Variants in SLC9C1 observed in about 807,000 individuals in gnomAD.
The protein encoded by SLC9C1 is sodium/hydrogen exchanger 10.
In SLC9C1, 97 loss-of-function variants were observed where a neutral mutation model predicts 140.9. That is an observed-to-expected ratio of 0.69 (90% CI 0.58 to 0.82). The LOEUF (loss-of-function observed/expected upper bound fraction) is 0.82, where lower values mean the gene tolerates loss of function less well. Among genes scored for constraint, SLC9C1 ranks in the 40% least tolerant of loss-of-function variants. The probability of loss-of-function intolerance (pLI) is 0.00; values close to 1 mark genes in which losing one functional copy is unlikely to be tolerated. For synonymous variants in SLC9C1, 440 were observed against 442.6 expected, an observed-to-expected ratio of 0.99 and a Z score of 0.07; for missense variants, 1,340 against 1,389.3, an observed-to-expected ratio of 0.96 and a Z score of 0.56.
intron 28 of SLC9C1, among the ~76,000 whole-genome samples, chr3:112,149,306 TG>T: frequency 6.6e-6 from 1 of 150,612 alleles, no homozygotes; most frequent in East Asian, 2.0e-4. Flanking sequence ...AACAGGTCAG[TG>T]GGTACTCTGA....
intron 15 of SLC9C1, among the ~76,000 whole-genome samples, chr3:112,212,344 A>T (rs911232399): frequency 6.6e-6 from 1 of 152,216 alleles, no homozygotes; most frequent in Admixed American, 6.5e-5. Context: ...CAACAGAACA[A>T]AGCCGGATGG....
chr3:112,239,377 G>A (rs113091998), intron 12 of SLC9C1, among the ~76,000 whole-genome samples: 4 of 152,342 alleles, frequency 2.6e-5, no homozygotes, highest in Non-Finnish European at 4.4e-5. Context: ...GCTACGAAAC[G>A]GAATTCCCTG....
rs762617673 is a variant in SLC9C1, at chr3:112,169,315, G to A, written c.2933C>T (p.Pro978Leu). Residue 978 changes from proline (P) to leucine (L), a missense_variant, in exon 24 of 29, where the codon CCC (proline) becomes CTC (leucine). Physicochemically the swap from Pro to Leu is moderately conservative, Grantham distance 98. Coordinates refer to ENST00000305815, the MANE Select transcript of SLC9C1 (RefSeq NM_183061.3). ...CKTVVETCFI[P>L]KTHLYDAFEQ... is the part of the protein sequence containing the mutation. ...AAAAGCATCATACAAGTGAGTTTTG[G>A]GAATAAAACATGTCTGGAAAAGAAG... The A allele has an allele frequency of 6.2e-7, 1 of 1,607,266 alleles. No homozygotes were observed. Among genetic ancestry groups the A allele is most frequent in the Non-Finnish European group, 8.5e-7 (1 of 1,177,714 alleles).
chr3:112,183,344 C>CTTTTTTTT (rs1159788975), intron 20 of SLC9C1, among the ~76,000 whole-genome samples: 4 of 20,954 alleles, frequency 1.9e-4, no homozygotes, highest in African/African-American at 4.7e-4. Flanking sequence ...TATTTAGCAC[C>CTTTTTTTT]TTTTCTTTTT....
intron 26 of SLC9C1, among the ~76,000 whole-genome samples, 160 bp from the exon 27 acceptor site, chr3:112,155,209 A>T (rs187657609): frequency 2.8e-4 from 43 of 152,300 alleles, no homozygotes; most frequent in African/African-American, 1.0e-3. Context: ...GGTCACATTT[A>T]AAAAAGTGAT....
intron 1 of SLC9C1, among the ~76,000 whole-genome samples, chr3:112,288,386 C>T (rs2080581357): frequency 6.6e-6 from 1 of 152,070 alleles, no homozygotes; most frequent in African/African-American, 2.4e-5. Context: ...CTGTTTTCCT[C>T]TTATTATTGT....
intron 10 of SLC9C1, among the ~76,000 whole-genome samples, chr3:112,247,562 A>T (rs1322439215): frequency 2.0e-5 from 3 of 152,152 alleles, no homozygotes; most frequent in Non-Finnish European, 2.9e-5. Flanking sequence ...TAAGCTGCAC[A>T]ATTGAGTAGT....
intron 12 of SLC9C1, among the ~76,000 whole-genome samples, chr3:112,235,855 A>G (rs1363102117): frequency 2.6e-5 from 4 of 152,104 alleles, no homozygotes; most frequent in Non-Finnish European, 4.4e-5. Context: ...TTGATGTGCC[A>G]CTGGATTTGG....
At chr3:112,142,656 T>G (rs1325160074) in intron 28 of SLC9C1, among the ~76,000 whole-genome samples, 1 of 152,154 alleles carries the variant, frequency 6.6e-6, no homozygotes, top group Non-Finnish European at 1.5e-5. Context: ...TGACTTAAAT[T>G]CAATATACAA....
At position 112,144,135 on chromosome 3, in the gene SLC9C1, G is replaced by T. The variant is rs142461687; in HGVS notation, c.3525-2854C>A. On this transcript the variant is annotated intron_variant, in intron 28 of 28. Coordinates refer to ENST00000305815, the MANE Select transcript of SLC9C1 (RefSeq NM_183061.3). ...TCTGTTTTTGTACCAGTACCATGCT[G>T]CTTTGATTACTATGCCTTATAGTAT... 6.4e-3 allele frequency among the ~76,000 whole-genome samples: 952 copies of T among 147,874 alleles called. 15 individuals carry two copies. Among genetic ancestry groups the T allele is most frequent in the African/African-American group, 0.023 (910 of 40,066 alleles).
At chr3:112,232,963 A>G (rs2078867241) in intron 12 of SLC9C1, among the ~76,000 whole-genome samples, 3 of 151,412 alleles carry the variant, frequency 2.0e-5, no homozygotes, top group Non-Finnish European at 4.4e-5. Context: ...AAATAAATAA[A>G]CAAAGACCCC....
intron 15 of SLC9C1, among the ~76,000 whole-genome samples, chr3:112,210,031 A>G (rs1007070987): frequency 2.0e-5 from 3 of 152,218 alleles, no homozygotes; most frequent in African/African-American, 7.2e-5. Flanking sequence ...AGTTACAACA[A>G]TCTTGAAAAA....
chr3:112,250,703 A>T (rs2108256805), intron 10 of SLC9C1, among the ~76,000 whole-genome samples: 1 of 152,296 alleles, frequency 6.6e-6, no homozygotes, highest in East Asian at 1.9e-4. Context: ...ATGCCACCTC[A>T]CACCACTCAG....
chr3:112,205,808 A>G (rs2108052905), intron 16 of SLC9C1, among the ~76,000 whole-genome samples: 1 of 139,992 alleles, frequency 7.1e-6, no homozygotes, highest in African/African-American at 2.6e-5. Context: ...AAATGTAGAA[A>G]GCTGAAACTG....
chr3:112,291,504 T>A (rs1395351784), intron 1 of SLC9C1, among the ~76,000 whole-genome samples: 2 of 151,428 alleles, frequency 1.3e-5, no homozygotes, highest in African/African-American at 4.9e-5. Flanking sequence ...CCAACAAGCA[T>A]ATGAAAAAAA....
At chr3:112,214,514 A>G (rs13071957) in intron 15 of SLC9C1, among the ~76,000 whole-genome samples, 69,034 of 151,952 alleles carry the variant, frequency 0.45, 16,173 homozygotes, top group East Asian at 0.63. Context: ...GCAATAAAAA[A>G]TGATAAAGGG....
At position 112,277,825 on chromosome 3, in the gene SLC9C1, A is replaced by T. The variant is rs747824553; in HGVS notation, c.354T>A (p.Asn118Lys). The change falls in exon 5 of 29, where the codon AAT (asparagine) becomes AAA (lysine). Residue 118 changes from asparagine (N) to lysine (K), a missense_variant. Transcript: ENST00000305815. ...LLISIPGFLV[N>K]YILVLWHLAS... ...CCAGATGCCAAAGAACTAAGATATAATTAACCAAAAAGCCGGGAATTGAAA... is the reference window on the plus strand; with the variant it reads ...CCAGATGCCAAAGAACTAAGATATATTTAACCAAAAAGCCGGGAATTGAAA... 28 of 1,602,802 alleles carry T rather than the reference A, an allele frequency of 1.7e-5. No homozygotes were observed. Among genetic ancestry groups the T allele is most frequent in the Non-Finnish European group, 2.3e-5 (27 of 1,176,842 alleles).
At chr3:112,181,782 G>C (rs1237308852) in intron 21 of SLC9C1, among the ~76,000 whole-genome samples, 2 of 150,454 alleles carry the variant, frequency 1.3e-5, no homozygotes, top group African/African-American at 2.4e-5. Flanking sequence ...AGCAGGAAAA[G>C]TTTGAAAAAA....
intron 10 of SLC9C1, among the ~76,000 whole-genome samples, chr3:112,258,126 A>G (rs1435766749): frequency 6.6e-6 from 1 of 152,204 alleles, no homozygotes; most frequent in Non-Finnish European, 1.5e-5. Context: ...TGTGGAAAGC[A>G]GTGTGGCAAT....
Sources: gnomAD v4.1 joint callset for allele counts (sites outside exome capture counted in the v4.1 genomes callset) on GRCh38, gnomAD v4.1.1 for gene constraint, MANE v1.5 for transcripts, NCBI Gene and HGNC (gene_info 2026-07-23, HGNC 2026-07-21) for gene names.